PCSK6: variants seen among roughly 807,000 people sequenced by gnomAD.
PCSK6 encodes paired basic amino acid cleaving enzyme 4.
PCSK6 carries 85 observed loss-of-function variants against 123.3 expected under a neutral mutation model. That is an observed-to-expected ratio of 0.69 (90% CI 0.58 to 0.83). PCSK6 has a LOEUF of 0.83. Ranked by LOEUF, PCSK6 falls within the 40% of genes least tolerant of loss-of-function variation. The pLI is 0.00. For missense variants in PCSK6, 1,191 were observed against 1,282.3 expected (o/e 0.93, Z 1.09); for synonymous variants, 508 against 516.0 (o/e 0.98, Z 0.21).
chr15:101,363,793 C>T lies in PCSK6; in HGVS notation c.1858+2403G>A, dbSNP rs150813073. On this transcript the variant is annotated intron_variant, in intron 13 of 21. Transcript: ENST00000611716. ...TACAGGTGCCTGCCACCTTGCCTGG[C>T]TAATTTTTTTTTTTTTTTGGATTTT... 6.8e-3 allele frequency among the ~76,000 whole-genome samples: 942 copies of T among 139,254 alleles called. 14 individuals are homozygous for T. Among genetic ancestry groups the T allele is most frequent in the African/African-American group, 0.023 (870 of 37,928 alleles). 91.4% of individuals were successfully genotyped at this position (139,254 alleles called of 152,430 possible).
rs146671619 is a variant in PCSK6, at chr15:101,305,366, G to A, written c.2813-11C>T. The A allele has an allele frequency of 3.4e-4, 550 of 1,608,392 alleles. No individual in the cohort carries two copies. In the African/African-American group the frequency reaches 5.9e-3, roughly 17 times the overall value. ...AGAATGTCTCGTCAGCTGGGGCCCC[G>A]CATCAGGAAAGGCAAAAGAGGGAAA... On this transcript the variant is annotated splice_polypyrimidine_tract_variant and intron_variant, in intron 21 of 21. Coordinates refer to ENST00000611716, the MANE Select transcript of PCSK6 (RefSeq NM_002570.5). This position sits in a 1 kb window ranked among gnomAD's most constrained non-coding sequence, Gnocchi z 4.8.
At position 101,307,298 on chromosome 15, in the gene PCSK6, T is replaced by C; in HGVS notation, c.2727A>G (p.Ala909=). The C allele has an allele frequency of 6.2e-7, 1 of 1,613,344 alleles. No homozygotes were observed. Among genetic ancestry groups the C allele is most frequent in the Non-Finnish European group, 8.5e-7 (1 of 1,179,510 alleles). ...RRCDENCLSC[A]GSSRNCSRCK... is the part of the protein sequence containing the mutation. ...ACCTGCTACAGTTCCTGCTGGAGCCTGCACAGCTCAAGCAGTTCTCGTCAC... is the reference window on the plus strand; with the variant it reads ...ACCTGCTACAGTTCCTGCTGGAGCCCGCACAGCTCAAGCAGTTCTCGTCAC... The change falls in exon 21 of 22, where the codon GCA becomes GCG. Residue 909 remains alanine, a synonymous_variant. Coordinates refer to ENST00000611716, the MANE Select transcript of PCSK6 (RefSeq NM_002570.5).
chr15:101,455,908 A>G (rs961669077), intron 1 of PCSK6, among the ~76,000 whole-genome samples: 1 of 152,220 alleles, frequency 6.6e-6, no homozygotes, highest in African/African-American at 2.4e-5. Flanking sequence ...CAATTTTCAT[A>G]TGGCTCTTTA....
chr15:101,413,766 T>C (rs2141067354), intron 6 of PCSK6, among the ~76,000 whole-genome samples: 1 of 152,372 alleles, frequency 6.6e-6, no homozygotes, highest in East Asian at 1.9e-4. Context: ...TTGATCATTC[T>C]GCATTCCATG....
Position 101,443,602 on chromosome 15 carries a change from G to C in PCSK6, c.356C>G (p.Thr119Ser). 6.2e-7 allele frequency: 1 copy of C among 1,613,992 alleles called. No homozygotes were observed. The highest frequency in any genetic ancestry group is 8.5e-7 in the Non-Finnish European group (1 of 1,179,880). Residue 119 changes from threonine to serine, a missense_variant, in exon 2 of 22, where the codon ACC (threonine) becomes AGC (serine). This residue lies in a region of PCSK6 where 204 missense variants were observed against 166.4 expected (regional missense o/e 1.23). Transcript: ENST00000611716. Reference protein sequence around the residue: ...FYHSKTFKRSTLSSRGPHTFL... With the variant: ...FYHSKTFKRSSLSSRGPHTFL... ...GGTGTGAGGGCCTCTGCTACTCAAGGTTGATCTTTTAAAGGTTTTGCTGTG... is the reference window on the plus strand; with the variant it reads ...GGTGTGAGGGCCTCTGCTACTCAAGCTTGATCTTTTAAAGGTTTTGCTGTG...
intron 2 of PCSK6, among the ~76,000 whole-genome samples, chr15:101,443,220 G>A (rs990598015): frequency 3.9e-5 from 6 of 152,150 alleles, no homozygotes; most frequent in African/African-American, 1.4e-4. Context: ...TAACATACAT[G>A]TTATGACAAC....
At chr15:101,430,318 AC>A (rs1195022062) in intron 4 of PCSK6, among the ~76,000 whole-genome samples, 1 of 151,946 alleles carries the variant, frequency 6.6e-6, no homozygotes, top group Non-Finnish European at 1.5e-5. Context: ...CATCTCCAGA[AC>A]CCTTTCAACC....
At chr15:101,380,305 G>A (rs1033756358) in intron 11 of PCSK6, among the ~76,000 whole-genome samples, 50 of 152,228 alleles carry the variant, frequency 3.3e-4, no homozygotes, top group African/African-American at 1.2e-3. Flanking sequence ...GGCAGGAGAA[G>A]AATGCTTCAT....
Position 101,369,125 on chromosome 15 carries a change from C to T in PCSK6, c.1721+1210G>A, listed in dbSNP as rs574646325. Reference sequence around the variant, plus strand: ...AGTGCACCGAGGACAAAGCTGGTGCCGGGCCCGCCACCTGCTGCCACCGCT... The same window carrying T: ...AGTGCACCGAGGACAAAGCTGGTGCTGGGCCCGCCACCTGCTGCCACCGCT... On this transcript the variant is annotated intron_variant, in intron 12 of 21. Transcript: ENST00000611716. 7.2e-5 allele frequency among the ~76,000 whole-genome samples: 11 copies of T among 152,256 alleles called. No homozygotes were observed. In the East Asian group the frequency reaches 1.5e-3, roughly 21 times the overall value.
chr15:101,486,973 CCTTA>C lies in PCSK6; in HGVS notation c.297+2397_297+2400del, dbSNP rs534811225. Among the ~76,000 whole-genome samples, 516 of 152,302 alleles carry C rather than the reference CCTTA, an allele frequency of 3.4e-3. 1 individual carries two copies. The highest frequency in any genetic ancestry group is 5.9e-3 in the Non-Finnish European group (400 of 68,030). The stretch of plus-strand genomic sequence containing the variant: ...CATGTGAACACAAACAGCTTCCTTC[CCTTA>C]CTTCACCCCCATTTACTCATCTGTA... On this transcript the variant is annotated intron_variant, in intron 1 of 21. Transcript: ENST00000611716.
intron 21 of PCSK6, 113 bp downstream of exon 21, chr15:101,307,100 C>T (rs1275822543): frequency 2.2e-5 from 16 of 719,204 alleles, no homozygotes; most frequent in Admixed American, 4.2e-5. Context: ...GGGGCACGAA[C>T]GCCTGTCTGT....
intron 1 of PCSK6, among the ~76,000 whole-genome samples, chr15:101,485,149 C>T (rs1329871599): frequency 6.6e-6 from 1 of 152,194 alleles, no homozygotes; most frequent in African/African-American, 2.4e-5. Flanking sequence ...GGTATCTCAT[C>T]GTTGCCTAAA....
rs929853156 is a variant in PCSK6 at position 101,430,076 on chromosome 15, A to G, written c.658-13T>C. 1 of 1,611,366 alleles carries G rather than the reference A, an allele frequency of 6.2e-7. No homozygotes were observed. The highest frequency in any genetic ancestry group is 1.3e-5 in the African/African-American group (1 of 74,994). On this transcript the variant is annotated splice_polypyrimidine_tract_variant and intron_variant, in intron 4 of 21. Coordinates refer to ENST00000611716, the MANE Select transcript of PCSK6 (RefSeq NM_002570.5). Reference sequence around the variant, plus strand: ...TGGCGTAGGAATCCTAAGAAATGGAATCGTGGTGAGTGAGGAGAAATGGCA... The same window carrying G: ...TGGCGTAGGAATCCTAAGAAATGGAGTCGTGGTGAGTGAGGAGAAATGGCA...
intron 6 of PCSK6, 73 bp downstream of exon 6, chr15:101,427,819 C>T: frequency 1.7e-6 from 2 of 1,209,710 alleles, no homozygotes; most frequent in African/African-American, 1.5e-5. Flanking sequence ...GCTGCTGAGA[C>T]CAGCGGACAG....
At chr15:101,338,477 G>C (rs2040532862) in intron 13 of PCSK6, among the ~76,000 whole-genome samples, 1 of 152,206 alleles carries the variant, frequency 6.6e-6, no homozygotes. Flanking sequence ...CATGGGTGCA[G>C]GAGAAGCAAG....
chr15:101,352,638 G>T (rs1191569282), intron 13 of PCSK6, among the ~76,000 whole-genome samples: 1 of 152,112 alleles, frequency 6.6e-6, no homozygotes, highest in South Asian at 2.1e-4. Context: ...CCCTTGATCG[G>T]TCTATTCCAG....
At chr15:101,480,850 C>T (rs905680498) in intron 1 of PCSK6, among the ~76,000 whole-genome samples, 3 of 152,192 alleles carry the variant, frequency 2.0e-5, no homozygotes, top group East Asian at 1.9e-4. Flanking sequence ...TATCGAGTGA[C>T]TCCAAAAAGC....
At chr15:101,384,290 C>T (rs377071665) in intron 10 of PCSK6, 32 bp downstream of exon 10, 271 of 1,609,116 alleles carry the variant, frequency 1.7e-4, no homozygotes, top group South Asian at 3.6e-4. Flanking sequence ...TCCAGGGCCA[C>T]CCAATGGTCC....
Position 101,313,436 on chromosome 15 carries a change from G to A in PCSK6, c.2639C>T (p.Ala880Val). Residue 880 changes from alanine to valine, a missense_variant, in exon 20 of 22, where the codon GCC becomes GTC. Physicochemically the swap from Ala to Val is moderately conservative, Grantham distance 64 (BLOSUM62 0). Transcript: ENST00000611716. ...FHFHDWKCVP[A>V]CGEGFYPEEM... Reference sequence around the variant, plus strand: ...TTCTGGGTAGAAGCCCTCACCACAGGCTGGCACACACTTCCAGTCGTGGAA... The same window carrying A: ...TTCTGGGTAGAAGCCCTCACCACAGACTGGCACACACTTCCAGTCGTGGAA... The A allele has an allele frequency of 6.2e-7, 1 of 1,612,454 alleles. No homozygotes were observed. Among genetic ancestry groups the A allele is most frequent in the Non-Finnish European group, 8.5e-7 (1 of 1,179,840 alleles).
Sources: gnomAD v4.1 joint callset for allele counts (sites outside exome capture counted in the v4.1 genomes callset) on GRCh38, gnomAD v4.1.1 for gene constraint, gnomAD v4.1.1 regional missense constraint, Gnocchi (gnomAD v3.1) non-coding constraint, MANE v1.5 for transcripts, NCBI Gene and HGNC (gene_info 2026-07-23, HGNC 2026-07-21) for gene names.